RGS6: variants seen among roughly 807,000 people sequenced by gnomAD.
The protein encoded by RGS6 is regulator of G-protein signaling 6.
RGS6 carries 30 observed loss-of-function variants against 78.5 expected under a neutral mutation model. The observed-to-expected ratio is 0.38, with a 90% CI of 0.29 to 0.52. The LOEUF (loss-of-function observed/expected upper bound fraction) is 0.52, where lower values mean the gene tolerates loss of function less well. Ranked by LOEUF, RGS6 falls within the 20% of genes least tolerant of loss-of-function variation. RGS6 has a pLI of 0.85. For missense variants in RGS6, 495 were observed against 609.7 expected (o/e 0.81, Z 1.98); for synonymous variants, 206 against 206.0 (o/e 1.00, Z 0.00).
intron 2 of RGS6, among the ~76,000 whole-genome samples, chr14:72,295,310 C>G (rs530978478): frequency 2.0e-4 from 30 of 150,734 alleles, no homozygotes; most frequent in African/African-American, 7.1e-4. Context: ...AAAAAAAGAA[C>G]CCTTTGTTCA....
At chr14:72,004,534 T>G (rs1418418241) in intron 2 of RGS6, among the ~76,000 whole-genome samples, 2 of 152,224 alleles carry the variant, frequency 1.3e-5, no homozygotes, top group Non-Finnish European at 2.9e-5. Flanking sequence ...GTGAAGGTAG[T>G]GGCAGAAGAC....
the RGS6 span, among the ~76,000 whole-genome samples, chr14:72,602,609 T>G: frequency 1 from 151,659 of 152,332 alleles, 75,495 homozygotes; most frequent in East Asian, 1. Context: ...CCTCTCTCCA[T>G]TTGGCAAACG....
chr14:72,094,634 C>A (rs1174242563), intron 2 of RGS6, among the ~76,000 whole-genome samples: 1 of 152,172 alleles, frequency 6.6e-6, no homozygotes, highest in Non-Finnish European at 1.5e-5. Context: ...AACTCCTTAG[C>A]AATTCCATTT....
At chr14:72,250,102 A>AG (rs2055291843) in intron 2 of RGS6, among the ~76,000 whole-genome samples, 1 of 51,044 alleles carries the variant, frequency 2.0e-5, no homozygotes, top group Non-Finnish European at 3.6e-5. Flanking sequence ...GGGTGGGGGG[A>AG]GGGGGGAGGG....
At chr14:72,059,458 T>A (rs1434439738) in intron 2 of RGS6, among the ~76,000 whole-genome samples, 1 of 152,220 alleles carries the variant, frequency 6.6e-6, no homozygotes, top group Non-Finnish European at 1.5e-5. Context: ...TGGTGCGCTC[T>A]CATTTAACTG....
chr14:72,047,517 A>G (rs2092939422), intron 2 of RGS6, among the ~76,000 whole-genome samples: 1 of 152,200 alleles, frequency 6.6e-6, no homozygotes, highest in African/African-American at 2.4e-5. Context: ...CAGATTGGTT[A>G]GCCAGGCAAG....
intron 2 of RGS6, among the ~76,000 whole-genome samples, chr14:72,093,610 C>T (rs956669408): frequency 1.3e-5 from 2 of 152,106 alleles, no homozygotes; most frequent in African/African-American, 2.4e-5. Context: ...TTTTTCCCCC[C>T]ACATAACATG....
chr14:72,366,074 A>G (rs1267134021), intron 3 of RGS6, among the ~76,000 whole-genome samples: 1 of 152,140 alleles, frequency 6.6e-6, no homozygotes, highest in African/African-American at 2.4e-5. Context: ...TAATTTTCAC[A>G]TCTTCTTCTA....
At chr14:72,263,484 T>A (rs1240972667) in intron 2 of RGS6, among the ~76,000 whole-genome samples, 1 of 149,442 alleles carries the variant, frequency 6.7e-6, no homozygotes, top group Non-Finnish European at 1.5e-5. Context: ...TCTATCCTCT[T>A]ATGCATACCT....
At chr14:72,460,758 A>G (rs1278999177) in intron 6 of RGS6, among the ~76,000 whole-genome samples, 1 of 152,114 alleles carries the variant, frequency 6.6e-6, no homozygotes. Flanking sequence ...GTTTAAGACA[A>G]GAAGGCAGAT....
the RGS6 span, among the ~76,000 whole-genome samples, chr14:71,879,030 T>G: frequency 6.6e-6 from 1 of 152,146 alleles, no homozygotes; most frequent in Non-Finnish European, 1.5e-5. Flanking sequence ...ATAGTGTATT[T>G]TTTTTTCTTC....
intron 2 of RGS6, among the ~76,000 whole-genome samples, chr14:72,031,483 G>A (rs1298989679): frequency 1.3e-5 from 2 of 152,068 alleles, no homozygotes; most frequent in African/African-American, 2.4e-5. Flanking sequence ...TTAGATGCTT[G>A]TGGTAACATA....
At chr14:72,411,858 C>T (rs1183052744) in intron 3 of RGS6, among the ~76,000 whole-genome samples, 3 of 152,096 alleles carry the variant, frequency 2.0e-5, no homozygotes, top group Non-Finnish European at 2.9e-5. Flanking sequence ...TGTTTATATG[C>T]TGGATTACGT....
chr14:72,113,801 G>A (rs1392383961), intron 2 of RGS6, among the ~76,000 whole-genome samples: 3 of 152,152 alleles, frequency 2.0e-5, no homozygotes, highest in Non-Finnish European at 4.4e-5. Flanking sequence ...CACTTCCAAA[G>A]CAAGTCGCAT....
the RGS6 span, among the ~76,000 whole-genome samples, chr14:72,617,867 A>G: frequency 6.6e-6 from 1 of 152,088 alleles, no homozygotes; most frequent in Non-Finnish European, 1.5e-5. Context: ...GATTTCAGAG[A>G]AGCCAAGCAT....
rs773534303 is a variant in RGS6 at position 72,352,142 on chromosome 14, G to A, written c.132G>A (p.Val44=). 1.2e-6 allele frequency: 2 copies of A among 1,613,544 alleles called. No homozygotes were observed. The highest frequency in any genetic ancestry group is 2.2e-5 in the South Asian group (2 of 90,918). Residue 44 remains valine, a synonymous_variant, in exon 3 of 18, where the codon GTG becomes GTA. Transcript: ENST00000553525. ...TKMQDDKTGG[V]PIRTVKSFLS... is the part of the protein sequence containing the mutation. ...TGCAAGATGACAAGACAGGGGGTGTGCCCATCAGAACAGTCAAGAGCTTTC... is the reference window on the plus strand; with the variant it reads ...TGCAAGATGACAAGACAGGGGGTGTACCCATCAGAACAGTCAAGAGCTTTC...
intron 11 of RGS6, among the ~76,000 whole-genome samples, chr14:72,477,796 CA>C (rs10656616): frequency 2.2e-3 from 221 of 101,762 alleles, no homozygotes; most frequent in African/African-American, 4.6e-3. Context: ...GACTCTGTCT[CA>C]AAAAAAAAAA....
intron 17 of RGS6, chr14:72,550,364 T>G: frequency 1.9e-6 from 2 of 1,032,370 alleles, no homozygotes; most frequent in Non-Finnish European, 2.9e-6. Context: ...CTGTACTTAG[T>G]GACAGGGCTG....
chr14:72,409,157 A>T (rs2093193833), intron 3 of RGS6, among the ~76,000 whole-genome samples: 1 of 152,228 alleles, frequency 6.6e-6, no homozygotes, highest in Admixed American at 6.5e-5. Context: ...GGAACCTGTA[A>T]GTTAGTCTTT....
Sources: gnomAD v4.1 joint callset for allele counts (sites outside exome capture counted in the v4.1 genomes callset) on GRCh38, gnomAD v4.1.1 for gene constraint, MANE v1.5 for transcripts, NCBI Gene and HGNC (gene_info 2026-07-23, HGNC 2026-07-21) for gene names.